Variants in GPHN observed in about 807,000 individuals in gnomAD.
GPHN encodes gephyrin.
A neutral mutation model predicts 95.5 loss-of-function variants in GPHN; 17 were observed. The observed-to-expected ratio is 0.18, with a 90% confidence interval of 0.12 to 0.27. The LOEUF is 0.27. Among genes scored for constraint, GPHN ranks in the 10% least tolerant of loss-of-function variants. The pLI is 1.00. For synonymous variants in GPHN, 320 were observed against 322.5 expected (o/e 0.99, Z 0.08); for missense variants, 660 against 978.1 (o/e 0.67, Z 4.34).
intron 8 of GPHN, among the ~76,000 whole-genome samples, chr14:66,953,406 G>A (rs1002154646): frequency 6.6e-6 from 1 of 151,936 alleles, no homozygotes; most frequent in African/African-American, 2.4e-5. Context: ...CACCAAAGTC[G>A]TGAAGATTTA....
the GPHN span, among the ~76,000 whole-genome samples, chr14:67,704,449 C>T: frequency 3.3e-5 from 5 of 152,054 alleles, no homozygotes; most frequent in African/African-American, 7.2e-5. Context: ...ACTGTGTGTG[C>T]AAATAAATTA....
At chr14:67,570,118 G>A in the GPHN span, 2 of 835,556 alleles carry the variant, frequency 2.4e-6, no homozygotes, top group South Asian at 1.5e-5. Flanking sequence ...TGCACATGGT[G>A]ACCCTGCCCA....
chr14:67,260,286 G>T, the GPHN span, among the ~76,000 whole-genome samples: 1 of 152,182 alleles, frequency 6.6e-6, no homozygotes, highest in African/African-American at 2.4e-5. Context: ...GCTAAGCAGG[G>T]TCAGGCCTGG....
At chr14:67,697,199 A>T in the GPHN span, among the ~76,000 whole-genome samples, 1 of 152,214 alleles carries the variant, frequency 6.6e-6, no homozygotes, top group African/African-American at 2.4e-5. Context: ...GAAGACCTTA[A>T]ATAAGTAATC....
intron 20 of GPHN, among the ~76,000 whole-genome samples, 172 bp from the exon 21 acceptor site, chr14:67,168,761 G>A (rs902455659): frequency 1.3e-5 from 2 of 152,056 alleles, no homozygotes; most frequent in East Asian, 3.9e-4. Context: ...CACCCCCTGT[G>A]GCATTTAGTT....
the GPHN span, among the ~76,000 whole-genome samples, chr14:67,485,371 A>G: frequency 6.6e-6 from 1 of 152,222 alleles, no homozygotes; most frequent in African/African-American, 2.4e-5. Flanking sequence ...TGACTTTGTA[A>G]GCCCAGGCTG....
chr14:66,911,898 G>T (rs151096715), intron 5 of GPHN, among the ~76,000 whole-genome samples: 3 of 151,822 alleles, frequency 2.0e-5, no homozygotes, highest in Non-Finnish European at 1.5e-5. Context: ...TAACCTGTTC[G>T]CTTTTCTTCA....
chr14:67,167,927 C>G (rs572387278), intron 20 of GPHN, among the ~76,000 whole-genome samples: 9 of 152,238 alleles, frequency 5.9e-5, no homozygotes, highest in African/African-American at 1.9e-4. Flanking sequence ...TCTTCACAGC[C>G]CACCCTTCCT....
At chr14:67,073,035 T>G (rs1457245036) in intron 11 of GPHN, among the ~76,000 whole-genome samples, 1 of 152,138 alleles carries the variant, frequency 6.6e-6, no homozygotes, top group Non-Finnish European at 1.5e-5. Flanking sequence ...ATTTTATTTT[T>G]TATTTTATAA....
At chr14:66,890,526 C>A (rs2064427394) in intron 5 of GPHN, among the ~76,000 whole-genome samples, 1 of 151,906 alleles carries the variant, frequency 6.6e-6, no homozygotes, top group South Asian at 2.1e-4. Context: ...CTGGTTGTTT[C>A]CAAAATCTTT....
the GPHN span, chr14:67,651,056 AGTTTCCCCTCTATTTTGGTGACC>A: frequency 2.7e-6 from 3 of 1,094,036 alleles, no homozygotes; most frequent in Non-Finnish European, 3.9e-6. Flanking sequence ...ACAATTGTAA[AGTTTCCCCTCTATTTTGGTGACC>A]AATACTACTG....
chr14:67,302,536 C>A, the GPHN span: 2 of 1,576,394 alleles, frequency 1.3e-6, no homozygotes, highest in South Asian at 1.2e-5. Flanking sequence ...CATTGAAATT[C>A]GGGGGAAAGA....
At chr14:67,183,150 G>T (rs943141401), downstream of GPHN, among the ~76,000 whole-genome samples, 3 of 152,022 alleles carry the variant, frequency 2.0e-5, no homozygotes, top group East Asian at 5.8e-4. Context: ...AATATAAGAA[G>T]AACAACAATT....
At chr14:67,525,662 G>A in the GPHN span, among the ~76,000 whole-genome samples, 1 of 152,172 alleles carries the variant, frequency 6.6e-6, no homozygotes, top group Non-Finnish European at 1.5e-5. Flanking sequence ...CTCTATAAAT[G>A]GCTTCCAATC....
At chr14:66,832,885 G>A (rs2061634069) in intron 4 of GPHN, among the ~76,000 whole-genome samples, 3 of 152,060 alleles carry the variant, frequency 2.0e-5, no homozygotes, top group Admixed American at 2.0e-4. Flanking sequence ...ATGGGATTTA[G>A]GTTTTGAAAA....
chr14:66,990,466 G>A (rs188066388), intron 9 of GPHN, among the ~76,000 whole-genome samples: 93 of 152,242 alleles, frequency 6.1e-4, no homozygotes, highest in African/African-American at 1.9e-3. Context: ...AGATTTTTCT[G>A]TTGGTCGCGT....
the GPHN span, among the ~76,000 whole-genome samples, chr14:67,418,423 C>A: frequency 6.6e-6 from 1 of 152,220 alleles, no homozygotes; most frequent in South Asian, 2.1e-4. Context: ...TATTCATTCC[C>A]CTATCCCCTG....
At chr14:67,731,763 G>C in the GPHN span, among the ~76,000 whole-genome samples, 1 of 152,080 alleles carries the variant, frequency 6.6e-6, no homozygotes, top group Non-Finnish European at 1.5e-5. Flanking sequence ...TACTTCCAGG[G>C]AGTTTTAGGG....
chr14:66,700,337 CT>C (rs1227138254), intron 2 of GPHN, among the ~76,000 whole-genome samples: 3 of 152,000 alleles, frequency 2.0e-5, no homozygotes, highest in Non-Finnish European at 4.4e-5. Flanking sequence ...AATTTCTAAA[CT>C]GTGTGAGAGA....
Sources: allele counts gnomAD v4.1 joint callset (sites outside exome capture counted in the v4.1 genomes callset), GRCh38; gene constraint gnomAD v4.1.1; transcripts MANE v1.5; gene names NCBI Gene and HGNC (gene_info 2026-07-23, HGNC 2026-07-21).